The following ZNF616 variants were observed in gnomAD, a reference collection of about 807,000 sequenced individuals.
The protein encoded by ZNF616 is zinc finger protein 616.
A neutral mutation model predicts 7.6 loss-of-function variants in ZNF616; 5 were observed. The observed-to-expected ratio is 0.66, with a 90% CI of 0.34 to 1.38. ZNF616 has a LOEUF of 1.38. Ranked by LOEUF, ZNF616 falls within the 40% of genes most tolerant of loss-of-function variation. The pLI is 0.04. For synonymous variants in ZNF616, 319 were observed against 317.2 expected, an observed-to-expected ratio of 1.01 and a Z score of -0.06; for missense variants, 913 against 948.3, an observed-to-expected ratio of 0.96 and a Z score of 0.49.
In ZNF616 at chr19:52,123,995, A is replaced by G; in HGVS notation, c.67T>C (p.Cys23Arg). Residue 23 changes from cysteine to arginine, a missense_variant, in exon 3 of 4, where the codon TGC becomes CGC. Coordinates refer to ENST00000600228, the MANE Select transcript of ZNF616 (RefSeq NM_178523.5). Reference sequence around the variant, plus strand: ...AAAGCTTTCTGCACAGGCTCCAGGCATTTCCACTCCTCCTGAGAGAATTCT... The same window carrying G: ...AAAGCTTTCTGCACAGGCTCCAGGCGTTTCCACTCCTCCTGAGAGAATTCT... The part of the protein sequence containing the change: ...AIEFSQEEWK[C>R]LEPVQKALYK... 6.2e-7 allele frequency: 1 copy of G among 1,613,938 alleles called. No homozygotes were observed. The highest frequency in any genetic ancestry group is 8.5e-7 in the Non-Finnish European group (1 of 1,179,968).
chr19:52,133,214 C>T (rs1048240825), intron 1 of ZNF616, among the ~76,000 whole-genome samples: 7 of 151,948 alleles, frequency 4.6e-5, no homozygotes, highest in Non-Finnish European at 7.4e-5. Context: ...GGTACTCATA[C>T]GGGCAGAAAT....
chr19:52,132,917 G>C (rs1423631261), intron 1 of ZNF616, among the ~76,000 whole-genome samples: 2 of 152,230 alleles, frequency 1.3e-5, no homozygotes, highest in Non-Finnish European at 2.9e-5. Flanking sequence ...ACTAAGCCAT[G>C]AGTCTTTCCC....
At chr19:52,123,176 G>A (rs2088877486) in intron 3 of ZNF616, among the ~76,000 whole-genome samples, 1 of 152,046 alleles carries the variant, frequency 6.6e-6, no homozygotes, top group African/African-American at 2.4e-5. Flanking sequence ...TCAAAAATAT[G>A]GAACTGATTA....
At chr19:52,138,002 A>G (rs2089027631) in intron 1 of ZNF616, among the ~76,000 whole-genome samples, 1 of 152,208 alleles carries the variant, frequency 6.6e-6, no homozygotes, top group South Asian at 2.1e-4. Flanking sequence ...AAAGACATAC[A>G]TTGTAGGCCT....
intron 2 of ZNF616, among the ~76,000 whole-genome samples, chr19:52,125,886 A>G (rs937324595): frequency 1.2e-4 from 19 of 152,220 alleles, no homozygotes; most frequent in African/African-American, 4.6e-4. Context: ...AAGATCTAGT[A>G]CCACAGATAT....
chr19:52,114,967 T>C lies in ZNF616; in HGVS notation c.2197A>G (p.Ser733Gly), dbSNP rs769385392. The C allele has an allele frequency of 2.5e-6, 4 of 1,614,088 alleles. No homozygotes were observed. The East Asian group carries it at 8.9e-5, about 36-fold the overall frequency. The change falls in exon 4 of 4, where the codon AGC becomes GGC. Residue 733 changes from serine (S) to glycine (G), a missense_variant. Coordinates refer to ENST00000600228, the MANE Select transcript of ZNF616 (RefSeq NM_178523.5). ...CCAGAATGAATTCTTTGGTGTTTGCTGAGGGAAAACAACCGCCCAAAGGCT... is the reference window on the plus strand; with the variant it reads ...CCAGAATGAATTCTTTGGTGTTTGCCGAGGGAAAACAACCGCCCAAAGGCT... ...GKAFGRLFSL[S>G]KHQRIHSGKK...
chr19:52,137,891 A>G (rs1333781759), intron 1 of ZNF616, among the ~76,000 whole-genome samples: 1 of 152,254 alleles, frequency 6.6e-6, no homozygotes, highest in Non-Finnish European at 1.5e-5. Context: ...TAAAATTTAA[A>G]TCAAGCTTCC....
rs969586557 is a variant in ZNF616 at position 52,113,206 on chromosome 19, T to A, written c.*1612A>T. The A allele has an allele frequency of 1.3e-5, 2 of 152,256 alleles. No individual in the cohort carries two copies. Among genetic ancestry groups the A allele is most frequent in the African/African-American group, 4.8e-5 (2 of 41,476 alleles). The allele number at this position is 152,256 out of a possible 1,614,324, so 9.4% of individuals were successfully genotyped here. A position where few individuals can be genotyped will look rare whatever the true frequency, so the allele number is the denominator to read the frequency against. On this transcript the variant is annotated 3_prime_UTR_variant, in exon 4 of 4. Coordinates refer to ENST00000600228, the MANE Select transcript of ZNF616 (RefSeq NM_178523.5). ...TTGTCTGGTAGTTATTCTGTAATAA[T>A]ATTCCAGGCCAATCTTGGAGAAGCA... is the stretch of plus-strand genomic sequence containing the variant.
At chr19:52,137,047 G>A (rs1373857073) in intron 1 of ZNF616, among the ~76,000 whole-genome samples, 2 of 91,654 alleles carry the variant, frequency 2.2e-5, no homozygotes, top group East Asian at 4.2e-4. Flanking sequence ...ATATATTTAT[G>A]TATGTGTATA....
rs972518239 is a variant in ZNF616, at chr19:52,115,376, T to G, written c.1788A>C (p.Arg596=). 3 of 1,613,798 alleles carry G rather than the reference T, an allele frequency of 1.9e-6. No individual in the cohort carries two copies. The highest frequency in any genetic ancestry group is 8.5e-7 in the Non-Finnish European group (1 of 1,179,972). The change falls in exon 4 of 4, where the codon CGA becomes CGC. Residue 596 remains arginine, a synonymous_variant. Transcript: ENST00000600228. ...YSQYSHLVGH[R]RVHTGEKPYK... The stretch of plus-strand genomic sequence containing the variant: ...ATGGTTTCTCTCCAGTATGAACTCT[T>G]CGATGCCCTACAAGATGTGAATACT...
At chr19:52,118,303 G>A (rs533419649) in intron 3 of ZNF616, among the ~76,000 whole-genome samples, 2 of 152,226 alleles carry the variant, frequency 1.3e-5, no homozygotes, top group African/African-American at 4.8e-5. Flanking sequence ...ATATCATCAA[G>A]AGATTTCTAC....
At chr19:52,137,340 G>A (rs1465099828) in intron 1 of ZNF616, among the ~76,000 whole-genome samples, 1 of 151,836 alleles carries the variant, frequency 6.6e-6, no homozygotes, top group African/African-American at 2.4e-5. Flanking sequence ...GGAGAATGGT[G>A]TGAACCCGGG....
At chr19:52,127,905 C>T (rs754807858) in intron 2 of ZNF616, among the ~76,000 whole-genome samples, 10 of 152,158 alleles carry the variant, frequency 6.6e-5, no homozygotes, top group Non-Finnish European at 1.3e-4. Flanking sequence ...GAATTGTTTT[C>T]TAAAATCTCA....
rs777821035 is a variant in ZNF616, at chr19:52,116,733, A to C, written c.431T>G (p.Phe144Cys). The change falls in exon 4 of 4, where the codon TTT (phenylalanine) becomes TGT (cysteine). Residue 144 changes from phenylalanine (F) to cysteine (C), a missense_variant. Physicochemically the swap from Phe to Cys is radical, Grantham distance 205. Coordinates refer to ENST00000600228, the MANE Select transcript of ZNF616 (RefSeq NM_178523.5). Reference sequence around the variant, plus strand: ...CTGCAGTTCAGCCAGACGTGACTCAAAGTTTGATGTAAGCTGGTTTTCAAT... The same window carrying C: ...CTGCAGTTCAGCCAGACGTGACTCACAGTTTGATGTAAGCTGGTTTTCAAT... The part of the protein sequence containing the change: ...NHIENQLTSN[F>C]ESRLAELQKV... 6.2e-7 allele frequency: 1 copy of C among 1,614,096 alleles called. No individual in the cohort carries two copies.
At chr19:52,134,340 T>A (rs755175618) in intron 1 of ZNF616, among the ~76,000 whole-genome samples, 12 of 152,196 alleles carry the variant, frequency 7.9e-5, no homozygotes, top group Non-Finnish European at 1.6e-4. Flanking sequence ...TACAAAAGGA[T>A]CGAATTTGTT....
chr19:52,116,304 T>G lies in ZNF616; in HGVS notation c.860A>C (p.His287Pro), dbSNP rs1479335783. ...TTTTTCACCGGTATGAATTCTCTGATGAACTGCAAGGTGGGAACTTTTACT... is the reference window on the plus strand; with the variant it reads ...TTTTTCACCGGTATGAATTCTCTGAGGAACTGCAAGGTGGGAACTTTTACT... ...SFSKSSHLAV[H>P]QRIHTGEKPY... The change falls in exon 4 of 4, where the codon CAT becomes CCT. Residue 287 changes from histidine to proline, a missense_variant. Physicochemically the swap from His to Pro is moderately conservative, Grantham distance 77. Transcript: ENST00000600228. The G allele has an allele frequency of 8.7e-6, 14 of 1,614,214 alleles. No homozygotes were observed. Among genetic ancestry groups the G allele is most frequent in the South Asian group, 3.3e-5 (3 of 91,090 alleles).
At position 52,130,527 on chromosome 19, in the gene ZNF616, CCTTCCTCTT is replaced by C. The variant is rs1368894049; in HGVS notation, c.-24_-16del. The C allele has an allele frequency of 1.9e-5, 31 of 1,607,638 alleles. No individual in the cohort carries two copies. The highest frequency in any genetic ancestry group is 3.3e-4 in the Middle Eastern group (2 of 6,004). On this transcript the variant is annotated 5_prime_UTR_variant, in exon 2 of 4. Transcript: ENST00000600228. ...TGAGTAGCCATCACTGACTCCTTTT[CCTTCCTCTT>C]CTTCCTCTTCTGGGTTTCTTTCTCA...
In ZNF616 at chr19:52,115,695, T is replaced by C; in HGVS notation, c.1469A>G (p.Glu490Gly). The change falls in exon 4 of 4, where the codon GAG (glutamate) becomes GGG (glycine). Residue 490 changes from glutamate to glycine, a missense_variant. Glu to Gly is a moderately conservative substitution (Grantham distance 98). Coordinates refer to ENST00000600228, the MANE Select transcript of ZNF616 (RefSeq NM_178523.5). Reference sequence around the variant, plus strand: ...ACATTCATTGCATTTGTAAGGTTTCTCTCCAGTATGAATTCTCTGATGAGC... The same window carrying C: ...ACATTCATTGCATTTGTAAGGTTTCCCTCCAGTATGAATTCTCTGATGAGC... ...LAAHQRIHTG[E>G]KPYKCNECGK... The C allele has an allele frequency of 3.7e-6, 6 of 1,614,216 alleles. No individual in the cohort carries two copies. The highest frequency in any genetic ancestry group is 5.1e-6 in the Non-Finnish European group (6 of 1,180,026).
chr19:52,123,903 T>C lies in ZNF616; in HGVS notation c.139+20A>G. 6.2e-7 allele frequency: 1 copy of C among 1,613,578 alleles called. No individual in the cohort carries two copies. On this transcript the variant is annotated intron_variant, in intron 3 of 3. Coordinates refer to ENST00000600228, the MANE Select transcript of ZNF616 (RefSeq NM_178523.5). ...ATGCACAAGGGCGAATCTGAACTTCTAGAAGGAAATTATACTCACCTAGGA... is the reference window on the plus strand; with the variant it reads ...ATGCACAAGGGCGAATCTGAACTTCCAGAAGGAAATTATACTCACCTAGGA...
Sources: allele counts gnomAD v4.1 joint callset (sites outside exome capture counted in the v4.1 genomes callset), GRCh38; gene constraint gnomAD v4.1.1; transcripts MANE v1.5; gene names NCBI Gene and HGNC (gene_info 2026-07-23, HGNC 2026-07-21).